TMEM218: variants seen among roughly 807,000 people sequenced by gnomAD.
TMEM218 encodes the protein transmembrane protein 218.
In TMEM218, 8 loss-of-function variants were observed where a neutral mutation model predicts 10.0. The observed-to-expected ratio is 0.80, with a 90% CI of 0.47 to 1.44. The LOEUF is 1.44. TMEM218 is among the 40% of genes most tolerant of loss of function. The probability of loss-of-function intolerance (pLI) is 0.00; values close to 1 mark genes in which losing one functional copy is unlikely to be tolerated. For missense variants in TMEM218, 110 were observed against 140.1 expected (o/e 0.79, Z 1.08); for synonymous variants, 66 against 63.5 (o/e 1.04, Z -0.18).
intron 3 of TMEM218, chr11:125,101,529 T>A (rs1950785973): frequency 5.3e-6 from 8 of 1,498,678 alleles, no homozygotes; most frequent in Admixed American, 2.3e-5. Context: ...TTCCTAAGAA[T>A]GGAAATGTGT....
chr11:125,110,300 G>A (rs759637374), intron 1 of TMEM218, among the ~76,000 whole-genome samples: 1 of 152,180 alleles, frequency 6.6e-6, no homozygotes, highest in Non-Finnish European at 1.5e-5. Context: ...CTTAATATCT[G>A]TGGCATTTAA....
chr11:125,102,048 T>C, intron 3 of TMEM218, 84 bp downstream of exon 3: 1 of 1,409,614 alleles, frequency 7.1e-7, no homozygotes, highest in African/African-American at 1.5e-5. Flanking sequence ...AACTGATCTC[T>C]TAAATTCTAA....
intron 4 of TMEM218, among the ~76,000 whole-genome samples, chr11:125,098,685 A>T (rs1950105056): frequency 6.6e-6 from 1 of 152,250 alleles, no homozygotes; most frequent in South Asian, 2.1e-4. Flanking sequence ...ATGTTAGATT[A>T]TATGTTAAAG....
In TMEM218 at chr11:125,106,231, G is replaced by GT. The variant is rs1166657090; in HGVS notation, c.-152-3423dup. On this transcript the variant is annotated intron_variant, in intron 1 of 4. Transcript: ENST00000682305. ...ATTCTGTTTTTTTGTTTTTGTTTTT[G>GT]TTTTTTTATAAGCCACAGTTGAAAA... Among the ~76,000 whole-genome samples the GT allele has an allele frequency of 3.3e-5, 5 of 151,578 alleles. No homozygotes were observed. The South Asian group carries it at 6.3e-4, about 19-fold the overall frequency.
intron 3 of TMEM218, 168 bp from the exon 4 acceptor site, chr11:125,101,471 G>A (rs544719134): frequency 3.7e-4 from 568 of 1,532,254 alleles, no homozygotes; most frequent in Middle Eastern, 1.7e-3. Flanking sequence ...CTTCTTCCTA[G>A]ACAGGTACCA....
rs1949593458 is a variant in TMEM218, at chr11:125,095,972, A to G, written c.*1634T>C. ...TTCCACTTGGGCTGCAGGGAGACTC[A>G]CAATAGCATGAGGCCCCCAGCTTGT... On this transcript the variant is annotated 3_prime_UTR_variant, in exon 5 of 5. Transcript: ENST00000682305. Among the ~76,000 whole-genome samples the G allele has an allele frequency of 6.6e-6, 1 of 152,214 alleles. No individual in the cohort carries two copies. The highest frequency in any genetic ancestry group is 1.5e-5 in the Non-Finnish European group (1 of 68,040).
intron 1 of TMEM218, among the ~76,000 whole-genome samples, chr11:125,105,766 GA>G (rs35785629): frequency 2.8e-4 from 42 of 150,454 alleles, no homozygotes; most frequent in East Asian, 2.0e-3. Context: ...CTAGTAAAGT[GA>G]AAAAAAAATA....
intron 4 of TMEM218, among the ~76,000 whole-genome samples, chr11:125,099,024 G>T (rs957289292): frequency 6.6e-6 from 1 of 152,204 alleles, no homozygotes; most frequent in Non-Finnish European, 1.5e-5. Context: ...ACTGATGTTG[G>T]ACTCTAACCT....
chr11:125,098,547 GCTGA>G (rs1950074256), intron 4 of TMEM218, among the ~76,000 whole-genome samples: 1 of 152,160 alleles, frequency 6.6e-6, no homozygotes, highest in African/African-American at 2.4e-5. Flanking sequence ...CAACCAAGTG[GCTGA>G]CTGACTTCAC....
At chr11:125,097,951 G>C (rs1387721206) in intron 4 of TMEM218, among the ~76,000 whole-genome samples, 1 of 152,144 alleles carries the variant, frequency 6.6e-6, no homozygotes, top group African/African-American at 2.4e-5. Flanking sequence ...GAGGGACAGG[G>C]AACAAATGGC....
At position 125,097,631 on chromosome 11, in the gene TMEM218, T is replaced by C. The variant is rs778875217; in HGVS notation, c.323A>G (p.Tyr108Cys). 2 of 1,613,982 alleles carry C rather than the reference T, an allele frequency of 1.2e-6. No individual in the cohort carries two copies. Among genetic ancestry groups the C allele is most frequent in the African/African-American group, 1.3e-5 (1 of 74,882 alleles). The part of the protein sequence containing the change: ...VLIHYVLEPI[Y>C]AKPLHSY ...TCAGTAGGAGTGCAGTGGTTTGGCA[T>C]AGATCGGCTCCAGAACATAATGGAT... Residue 108 changes from tyrosine to cysteine, a missense_variant, in exon 5 of 5, where the codon TAT becomes TGT. Coordinates refer to ENST00000682305, the MANE Select transcript of TMEM218 (RefSeq NM_001258244.2).
chr11:125,104,962 G>C (rs941067432), intron 1 of TMEM218: 13 of 152,194 alleles, frequency 8.5e-5, no homozygotes, highest in African/African-American at 2.9e-4. Flanking sequence ...CGAGGGTCCT[G>C]GTGCCTGATA....
rs1952911327 is a variant in TMEM218, at chr11:125,108,792, A to T, written c.-153+2747T>A. ...TAGGCTCTACACTCAGATAATTATAAATGAGTATCCTGTGGGATACTCAAA... is the reference window on the plus strand; with the variant it reads ...TAGGCTCTACACTCAGATAATTATATATGAGTATCCTGTGGGATACTCAAA... On this transcript the variant is annotated intron_variant, in intron 1 of 4. Coordinates refer to ENST00000682305, the MANE Select transcript of TMEM218 (RefSeq NM_001258244.2). The surrounding 1 kb of genome is among the most constrained non-coding windows in gnomAD (Gnocchi z 5.3). Among the ~76,000 whole-genome samples, 1 of 152,250 alleles carries T rather than the reference A, an allele frequency of 6.6e-6. No homozygotes were observed. The highest frequency in any genetic ancestry group is 6.5e-5 in the Admixed American group (1 of 15,292).
chr11:125,100,389 T>C (rs1478508549), intron 4 of TMEM218, among the ~76,000 whole-genome samples: 2 of 152,248 alleles, frequency 1.3e-5, no homozygotes, highest in African/African-American at 4.8e-5. Flanking sequence ...TACTTAGGGC[T>C]GTCCTGAGGT....
chr11:125,101,101 G>A, intron 4 of TMEM218, 100 bp downstream of exon 4: 1 of 948,042 alleles, frequency 1.1e-6, no homozygotes, highest in Non-Finnish European at 1.6e-6. Flanking sequence ...TGACATCTCA[G>A]GCAACCCGAT....
At position 125,101,913 on chromosome 11, in the gene TMEM218, C is replaced by T. The variant is rs557629682; in HGVS notation, c.110+219G>A. 2.1e-3 allele frequency: 1,180 copies of T among 557,052 alleles called. 3 individuals carry two copies. Among genetic ancestry groups the T allele is most frequent in the Non-Finnish European group, 3.2e-3 (1,072 of 335,314 alleles). 34.5% of individuals were successfully genotyped at this position (557,052 alleles called of 1,614,324 possible). ...AAGCAGTGAAAGCAGAGTTTCTTGC[C>T]ACAGTTAGAACTCAAGAACACTACT... On this transcript the variant is annotated intron_variant, in intron 3 of 4. Coordinates refer to ENST00000682305, the MANE Select transcript of TMEM218 (RefSeq NM_001258244.2).
chr11:125,096,689 T>C lies in TMEM218; in HGVS notation c.*917A>G, dbSNP rs1949689286. 1 of 152,236 alleles carries C rather than the reference T, an allele frequency of 6.6e-6. No individual in the cohort carries two copies. Among genetic ancestry groups the C allele is most frequent in the Non-Finnish European group, 1.5e-5 (1 of 68,038 alleles). The allele number at this position is 152,236 out of a possible 1,614,324, so 9.4% of individuals were successfully genotyped here. On this transcript the variant is annotated 3_prime_UTR_variant, in exon 5 of 5. Transcript: ENST00000682305. ...TGGCTCTAGGGAGTCAGGATCAGACTTCCAAAGTGGAACCTGACCAGGGCC... is the reference window on the plus strand; with the variant it reads ...TGGCTCTAGGGAGTCAGGATCAGACCTCCAAAGTGGAACCTGACCAGGGCC...
At chr11:125,107,694 C>A (rs532193463) in intron 1 of TMEM218, among the ~76,000 whole-genome samples, 311 of 151,948 alleles carry the variant, frequency 2.0e-3, no homozygotes, top group Middle Eastern at 3.4e-3. Context: ...TGGTCATGAG[C>A]TAGTTGTTGA....
intron 1 of TMEM218, among the ~76,000 whole-genome samples, chr11:125,109,446 T>G (rs890861211): frequency 6.6e-6 from 1 of 152,184 alleles, no homozygotes; most frequent in African/African-American, 2.4e-5. Flanking sequence ...ATCTGTGATG[T>G]TTTATTTCTT....
Sources: gnomAD v4.1 joint callset for allele counts (sites outside exome capture counted in the v4.1 genomes callset) on GRCh38, gnomAD v4.1.1 for gene constraint, Gnocchi (gnomAD v3.1) non-coding constraint, MANE v1.5 for transcripts, NCBI Gene and HGNC (gene_info 2026-07-23, HGNC 2026-07-21) for gene names.